Variants in ZC3H12B observed in about 807,000 individuals in gnomAD.
ZC3H12B encodes probable ribonuclease ZC3H12B.
Under a neutral mutation model 43.9 loss-of-function variants are expected in ZC3H12B, and 7 were observed. That is an observed-to-expected ratio of 0.16 (90% CI 0.09 to 0.30). The LOEUF is 0.30. Ranked by LOEUF, ZC3H12B falls within the 10% of genes least tolerant of loss-of-function variation. ZC3H12B has a pLI of 1.00. For synonymous variants in ZC3H12B, 222 were observed against 241.7 expected (o/e 0.92, Z 0.76); for missense variants, 475 against 670.2 (o/e 0.71, Z 3.22).
chrX:65,490,233 A>G (rs1160402634), intron 1 of ZC3H12B, among the ~76,000 whole-genome samples: 1 of 110,615 alleles, frequency 9.0e-6, no homozygotes, highest in Non-Finnish European at 1.9e-5. Flanking sequence ...TAATGTAATC[A>G]CAAGTGCCTT....
the ZC3H12B span, among the ~76,000 whole-genome samples, chrX:65,312,736 T>A: frequency 8.9e-6 from 1 of 111,904 alleles, no homozygotes; most frequent in Non-Finnish European, 1.9e-5. Flanking sequence ...GATGTCTTCA[T>A]TCTGTGTCCT....
intron 3 of ZC3H12B, among the ~76,000 whole-genome samples, chrX:65,476,751 T>A (rs2067996064): frequency 9.0e-6 from 1 of 110,792 alleles, no homozygotes; most frequent in African/African-American, 3.3e-5. Context: ...ATTCAGTCAG[T>A]CTTAGCCAAC....
intron 2 of ZC3H12B, among the ~76,000 whole-genome samples, chrX:65,395,590 A>G (rs1321455180): frequency 8.9e-6 from 1 of 111,855 alleles, no homozygotes; most frequent in East Asian, 2.8e-4. Context: ...GGTTTGCCAG[A>G]ATTTTATTGA....
At chrX:65,220,234 C>A in the ZC3H12B span, among the ~76,000 whole-genome samples, 13 of 111,540 alleles carry the variant, frequency 1.2e-4, no homozygotes, top group Non-Finnish European at 1.7e-4. Context: ...TCAAAATACA[C>A]CAAAACAGAA....
the ZC3H12B span, among the ~76,000 whole-genome samples, chrX:65,203,881 C>T: frequency 8.9e-6 from 1 of 112,033 alleles, no homozygotes; most frequent in Non-Finnish European, 1.9e-5. Context: ...TAGCCTGTCA[C>T]GGTGGGGCTT....
the ZC3H12B span, among the ~76,000 whole-genome samples, chrX:65,111,135 C>T: frequency 1.8e-5 from 2 of 110,736 alleles, no homozygotes; most frequent in African/African-American, 6.6e-5. Flanking sequence ...TTTGTGGGCG[C>T]CTTGGGATTT....
chrX:65,460,725 T>A (rs746672088), intron 3 of ZC3H12B, among the ~76,000 whole-genome samples: 1 of 111,863 alleles, frequency 8.9e-6, no homozygotes, highest in African/African-American at 3.2e-5. Flanking sequence ...GGATTAAAGA[T>A]TTAAATGTTA....
chrX:65,092,749 C>A, the ZC3H12B span, among the ~76,000 whole-genome samples: 1 of 112,103 alleles, frequency 8.9e-6, no homozygotes, highest in Non-Finnish European at 1.9e-5. Flanking sequence ...AAAACTGGAA[C>A]TTATATTTAA....
At chrX:65,438,224 T>C (rs2067245656) in intron 3 of ZC3H12B, among the ~76,000 whole-genome samples, 1 of 110,914 alleles carries the variant, frequency 9.0e-6, no homozygotes, top group Non-Finnish European at 1.9e-5. Flanking sequence ...TGTCTCCATA[T>C]ACATTTTTAA....
chrX:65,385,064 G>C (rs1027828294), intron 2 of ZC3H12B, among the ~76,000 whole-genome samples: 1 of 112,129 alleles, frequency 8.9e-6, no homozygotes, highest in Non-Finnish European at 1.9e-5. Flanking sequence ...TTGTAGTATA[G>C]TTTGAAGTCA....
the ZC3H12B span, among the ~76,000 whole-genome samples, chrX:65,212,438 TTATATTA>T: frequency 6.6e-5 from 4 of 60,212 alleles, no homozygotes; most frequent in Admixed American, 3.0e-4. Context: ...TTATTATATA[TTATATTA>T]TATATTATAT....
chrX:65,335,582 G>A, the ZC3H12B span, among the ~76,000 whole-genome samples: 2 of 111,025 alleles, frequency 1.8e-5, no homozygotes, highest in Admixed American at 9.6e-5. Context: ...GAGGGGAATA[G>A]AATCAACAAA....
the ZC3H12B span, among the ~76,000 whole-genome samples, chrX:65,079,470 G>T: frequency 8.9e-6 from 1 of 112,709 alleles, no homozygotes; most frequent in African/African-American, 3.2e-5. Context: ...AGTCATAGTG[G>T]TGGTGGCCAC....
the ZC3H12B span, among the ~76,000 whole-genome samples, chrX:65,228,923 G>C: frequency 8.9e-6 from 1 of 111,761 alleles, no homozygotes; most frequent in African/African-American, 3.2e-5. Flanking sequence ...GCTCATGGGT[G>C]GGAAGAATAA....
intron 3 of ZC3H12B, among the ~76,000 whole-genome samples, chrX:65,443,038 G>A (rs954536266): frequency 1.8e-5 from 2 of 111,270 alleles, no homozygotes; most frequent in Non-Finnish European, 3.8e-5. Flanking sequence ...CAGAAGGGTA[G>A]GGATGAACCT....
chrX:65,170,081 G>A, the ZC3H12B span, among the ~76,000 whole-genome samples: 1 of 111,861 alleles, frequency 8.9e-6, no homozygotes, highest in Non-Finnish European at 1.9e-5. Flanking sequence ...TCATTATGAT[G>A]TTAGCTGGTT....
the ZC3H12B span, among the ~76,000 whole-genome samples, chrX:65,157,066 G>T: frequency 9.0e-6 from 1 of 110,598 alleles, no homozygotes; most frequent in Non-Finnish European, 1.9e-5. Context: ...CTGCAGCTTT[G>T]ACCTCCTTGG....
the ZC3H12B span, among the ~76,000 whole-genome samples, chrX:65,079,042 G>A: frequency 9.0e-6 from 1 of 111,477 alleles, no homozygotes; most frequent in Admixed American, 9.5e-5. Context: ...CTCAGCCTCT[G>A]GTAACCATCC....
chrX:65,062,938 C>A, the ZC3H12B span, among the ~76,000 whole-genome samples: 1 of 111,343 alleles, frequency 9.0e-6, no homozygotes, highest in Non-Finnish European at 1.9e-5. Context: ...AATGGGAATT[C>A]ACTTATGGTT....
Sources: allele counts gnomAD v4.1 joint callset (sites outside exome capture counted in the v4.1 genomes callset), GRCh38; gene constraint gnomAD v4.1.1; transcripts MANE v1.5; gene names NCBI Gene and HGNC (gene_info 2026-07-23, HGNC 2026-07-21).